Variants in PCDH9 observed in about 807,000 individuals in gnomAD.
The protein encoded by PCDH9 is protocadherin-9.
A neutral mutation model predicts 70.6 loss-of-function variants in PCDH9; 24 were observed. That is an observed-to-expected ratio of 0.34 (90% CI 0.25 to 0.48). The LOEUF (loss-of-function observed/expected upper bound fraction) is 0.48, where lower values mean the gene tolerates loss of function less well. PCDH9 is among the 20% of genes least tolerant of loss of function. The pLI, the probability that PCDH9 is intolerant of heterozygous loss-of-function variation, is 0.99. For synonymous variants in PCDH9, 562 were observed against 558.5 expected (o/e 1.01, Z -0.09); for missense variants, 1,281 against 1,503.6 (o/e 0.85, Z 2.45).
chr13:66,428,176 G>A (rs185510772), intron 4 of PCDH9, among the ~76,000 whole-genome samples: 2 of 151,784 alleles, frequency 1.3e-5, no homozygotes, highest in East Asian at 1.9e-4. Context: ...TGGCAAATCA[G>A]TTTTCTATAA....
chr13:66,934,233 G>C (rs1404046763), intron 2 of PCDH9, among the ~76,000 whole-genome samples: 2 of 151,928 alleles, frequency 1.3e-5, no homozygotes, highest in South Asian at 2.1e-4. Context: ...TACCACCTAA[G>C]AAAAATGCAA....
chr13:66,994,807 C>G (rs147214518), intron 2 of PCDH9, among the ~76,000 whole-genome samples: 5 of 152,246 alleles, frequency 3.3e-5, no homozygotes, highest in African/African-American at 1.2e-4. Flanking sequence ...CCCTACTCTA[C>G]GCTATATATA....
chr13:66,967,675 T>C (rs2083453166), intron 2 of PCDH9, among the ~76,000 whole-genome samples: 1 of 152,002 alleles, frequency 6.6e-6, no homozygotes, highest in Non-Finnish European at 1.5e-5. Flanking sequence ...TCTTAACAAA[T>C]GCTATGCAAA....
intron 3 of PCDH9, among the ~76,000 whole-genome samples, chr13:66,722,117 C>T (rs974372085): frequency 1.1e-4 from 16 of 152,272 alleles, no homozygotes; most frequent in Middle Eastern, 3.4e-3. Context: ...TAGATAATCA[C>T]GGACATTTGC....
chr13:66,638,325 C>G (rs1314425498), intron 3 of PCDH9, among the ~76,000 whole-genome samples: 1 of 152,022 alleles, frequency 6.6e-6, no homozygotes, highest in Non-Finnish European at 1.5e-5. Flanking sequence ...TAGGCAAGGT[C>G]AGTGTGTGAA....
chr13:66,904,034 C>T (rs1594235643), intron 2 of PCDH9, among the ~76,000 whole-genome samples: 1 of 151,826 alleles, frequency 6.6e-6, no homozygotes, highest in Non-Finnish European at 1.5e-5. Flanking sequence ...TAATTCCTCC[C>T]CCAACAAAGC....
chr13:66,769,562 G>A (rs1025291913), intron 3 of PCDH9, among the ~76,000 whole-genome samples: 1 of 151,602 alleles, frequency 6.6e-6, no homozygotes, highest in East Asian at 1.9e-4. Flanking sequence ...TCTATCAACC[G>A]AAATATGCTT....
intron 3 of PCDH9, among the ~76,000 whole-genome samples, chr13:66,839,750 T>C (rs2081084524): frequency 6.6e-6 from 1 of 152,212 alleles, no homozygotes; most frequent in South Asian, 2.1e-4. Flanking sequence ...AGAGTTCTGA[T>C]GTGCATCGTA....
At chr13:66,374,064 T>C (rs1956705652) in intron 4 of PCDH9, among the ~76,000 whole-genome samples, 1 of 152,076 alleles carries the variant, frequency 6.6e-6, no homozygotes, top group Non-Finnish European at 1.5e-5. Context: ...CTGCAGGGGA[T>C]TGCCAGAGAC....
chr13:66,672,595 T>C (rs928566662), intron 3 of PCDH9, among the ~76,000 whole-genome samples: 5 of 152,152 alleles, frequency 3.3e-5, no homozygotes, highest in African/African-American at 1.2e-4. Flanking sequence ...CACTGAAAGC[T>C]TGCACCATGT....
chr13:66,758,100 G>A (rs2079565008), intron 3 of PCDH9, among the ~76,000 whole-genome samples: 2 of 152,044 alleles, frequency 1.3e-5, no homozygotes, highest in East Asian at 1.9e-4. Context: ...AAATAAAATT[G>A]TATATATTTA....
chr13:66,425,490 T>TA (rs1957652950), intron 4 of PCDH9, among the ~76,000 whole-genome samples: 1 of 151,606 alleles, frequency 6.6e-6, no homozygotes, highest in South Asian at 2.1e-4. Flanking sequence ...CAGAGACTCT[T>TA]ATGTTTACCT....
intron 2 of PCDH9, among the ~76,000 whole-genome samples, chr13:67,151,795 A>G (rs1032394393): frequency 6.6e-6 from 1 of 151,762 alleles, no homozygotes; most frequent in African/African-American, 2.4e-5. Flanking sequence ...GGCCTCATAA[A>G]GGACTCAGGA....
intron 4 of PCDH9, among the ~76,000 whole-genome samples, chr13:66,429,485 T>C (rs1957733295): frequency 6.7e-6 from 1 of 149,686 alleles, no homozygotes; most frequent in Admixed American, 6.7e-5. Context: ...ATACAAAAAA[T>C]GTTTTCTAAT....
At chr13:66,627,510 T>C (rs1217024822) in intron 4 of PCDH9, among the ~76,000 whole-genome samples, 1 of 152,226 alleles carries the variant, frequency 6.6e-6, no homozygotes, top group East Asian at 1.9e-4. Context: ...AATTCTGCTC[T>C]AGACATTTAC....
chr13:67,182,467 A>G (rs1352861296), intron 2 of PCDH9, among the ~76,000 whole-genome samples: 5 of 152,102 alleles, frequency 3.3e-5, no homozygotes, highest in African/African-American at 9.7e-5. Context: ...CCAAACTATC[A>G]TTATATGTAT....
chr13:66,974,348 C>T (rs2083578222), intron 2 of PCDH9, among the ~76,000 whole-genome samples: 1 of 151,948 alleles, frequency 6.6e-6, no homozygotes, highest in South Asian at 2.1e-4. Flanking sequence ...GACCTAACCC[C>T]TTTCTCTCCT....
chr13:66,632,051 G>T (rs898530029), intron 3 of PCDH9, among the ~76,000 whole-genome samples: 5 of 152,090 alleles, frequency 3.3e-5, no homozygotes, highest in South Asian at 4.1e-4. Flanking sequence ...ATGCCACCAT[G>T]CCCGGCTGAA....
chr13:66,814,595 CT>C (rs1355125841), intron 3 of PCDH9, among the ~76,000 whole-genome samples: 1 of 152,090 alleles, frequency 6.6e-6, no homozygotes, highest in Admixed American at 6.6e-5. Context: ...GTTTATCTCT[CT>C]GGTTACAAAA....
Sources: allele counts gnomAD v4.1 joint callset (sites outside exome capture counted in the v4.1 genomes callset), GRCh38; gene constraint gnomAD v4.1.1; transcripts MANE v1.5; gene names NCBI Gene and HGNC (gene_info 2026-07-23, HGNC 2026-07-21).